TANC2: variants seen among roughly 807,000 people sequenced by gnomAD.
The protein encoded by TANC2 is tetratricopeptide repeat, ankyrin repeat and coiled-coil containing 2, also known as protein TANC2.
TANC2 carries 26 observed loss-of-function variants against 210.5 expected under a neutral mutation model. The ratio of observed to expected loss-of-function variants is 0.12; its 90% CI spans 0.09 to 0.17. The LOEUF is 0.17. Among genes scored for constraint, TANC2 ranks in the 10% least tolerant of loss-of-function variants. The pLI is 1.00. For missense variants in TANC2, 2,129 were observed against 2,608.9 expected (o/e 0.82, Z 4.01); for synonymous variants, 931 against 967.1 (o/e 0.96, Z 0.69).
chr17:63,125,772 A>G lies in TANC2; in HGVS notation c.323-25498A>G, dbSNP rs1490625139. 2.0e-5 allele frequency among the ~76,000 whole-genome samples: 3 copies of G among 152,390 alleles called. No homozygotes were observed. The East Asian group carries it at 5.8e-4, about 29-fold the overall frequency. ...AAATATATTGTCACATTGTTATGAT[A>G]TAATGAGAAGCTTTGATATAATTGT... On this transcript the variant is annotated intron_variant, in intron 4 of 27. Transcript: ENST00000689528.
intron 25 of TANC2, chr17:63,414,446 T>C (rs1477085715): frequency 6.6e-6 from 1 of 152,204 alleles, no homozygotes; most frequent in Non-Finnish European, 1.5e-5. Flanking sequence ...TCCCAGGCTT[T>C]CAGGAAGCTT....
At chr17:63,155,621 G>A (rs938105259) in intron 5 of TANC2, among the ~76,000 whole-genome samples, 1 of 152,152 alleles carries the variant, frequency 6.6e-6, no homozygotes, top group African/African-American at 2.4e-5. Flanking sequence ...TCTTGAAATA[G>A]GCAGGCTTTT....
intron 9 of TANC2, among the ~76,000 whole-genome samples, chr17:63,296,794 G>A (rs2044549140): frequency 6.6e-6 from 1 of 152,086 alleles, no homozygotes; most frequent in Non-Finnish European, 1.5e-5. Flanking sequence ...ATTGACCAGA[G>A]AAGTTCAACA....
At chr17:63,113,448 C>T (rs186418489) in intron 4 of TANC2, among the ~76,000 whole-genome samples, 3 of 152,182 alleles carry the variant, frequency 2.0e-5, no homozygotes, top group East Asian at 1.9e-4. Context: ...TTACCTTGTC[C>T]GTCAGTCATT....
chr17:63,208,620 T>A (rs1299579167), intron 7 of TANC2, among the ~76,000 whole-genome samples: 1 of 152,218 alleles, frequency 6.6e-6, no homozygotes, highest in East Asian at 1.9e-4. Context: ...TTTACAACTG[T>A]TTCCAATATT....
intron 4 of TANC2, among the ~76,000 whole-genome samples, chr17:63,113,345 T>C (rs1027021947): frequency 6.6e-6 from 1 of 152,100 alleles, no homozygotes; most frequent in African/African-American, 2.4e-5. Flanking sequence ...AGTAACTCCC[T>C]CTCTTAGAGG....
chr17:62,969,761 A>C (rs1234965811), intron 1 of TANC2, among the ~76,000 whole-genome samples: 1 of 152,144 alleles, frequency 6.6e-6, no homozygotes, highest in Non-Finnish European at 1.5e-5. Context: ...TAAGAGCACC[A>C]GTAAACCTTT....
intron 14 of TANC2, among the ~76,000 whole-genome samples, chr17:63,376,562 A>ATCATCAAATGGATT (rs1473633552): frequency 3.3e-5 from 5 of 152,184 alleles, no homozygotes; most frequent in Non-Finnish European, 7.3e-5. Context: ...ATACATAGGA[A>ATCATCAAATGGATT]TCATCAAATG....
At chr17:63,134,244 A>G (rs1285773302) in intron 4 of TANC2, among the ~76,000 whole-genome samples, 2 of 152,088 alleles carry the variant, frequency 1.3e-5, no homozygotes, top group African/African-American at 4.8e-5. Context: ...AACTTCTTAT[A>G]ATTTTGTTGG....
intron 14 of TANC2, among the ~76,000 whole-genome samples, chr17:63,376,723 A>C (rs2047434942): frequency 6.6e-6 from 1 of 152,162 alleles, no homozygotes; most frequent in Admixed American, 6.5e-5. Flanking sequence ...GTCTCAGACA[A>C]GTGTAGCTTG....
chr17:63,260,037 T>C (rs1455504793), intron 8 of TANC2, among the ~76,000 whole-genome samples: 1 of 152,202 alleles, frequency 6.6e-6, no homozygotes, highest in East Asian at 1.9e-4. Flanking sequence ...TACTACTCTT[T>C]GAAGCCATAA....
At chr17:63,106,527 A>T (rs532449337) in intron 4 of TANC2, among the ~76,000 whole-genome samples, 26 of 151,634 alleles carry the variant, frequency 1.7e-4, no homozygotes, top group African/African-American at 6.3e-4. Flanking sequence ...GGGTAGGGGG[A>T]TTCTCACTAA....
intron 9 of TANC2, among the ~76,000 whole-genome samples, chr17:63,288,032 C>G (rs2044278237): frequency 6.6e-6 from 1 of 152,092 alleles, no homozygotes; most frequent in Non-Finnish European, 1.5e-5. Flanking sequence ...TATTTCTGGC[C>G]CTATGTAAGA....
intron 1 of TANC2, among the ~76,000 whole-genome samples, chr17:62,974,463 G>A (rs2031887728): frequency 6.6e-6 from 1 of 152,170 alleles, no homozygotes; most frequent in South Asian, 2.1e-4. Flanking sequence ...CAGACACCTT[G>A]TGTGTAAAGT....
chr17:63,140,330 C>G (rs1350288341), intron 4 of TANC2, among the ~76,000 whole-genome samples: 2 of 152,172 alleles, frequency 1.3e-5, no homozygotes, highest in African/African-American at 4.8e-5. Flanking sequence ...CCATAACAAA[C>G]CATCTTTAAA....
At chr17:63,047,086 A>G (rs778158906) in intron 2 of TANC2, among the ~76,000 whole-genome samples, 1 of 152,208 alleles carries the variant, frequency 6.6e-6, no homozygotes, top group Non-Finnish European at 1.5e-5. Context: ...AAATTTTTAT[A>G]TCTTCATATA....
chr17:63,038,322 A>G (rs1275394896), intron 2 of TANC2, among the ~76,000 whole-genome samples: 1 of 152,200 alleles, frequency 6.6e-6, no homozygotes, highest in Non-Finnish European at 1.5e-5. Flanking sequence ...GATTGCATTG[A>G]ATGATTTTCA....
intron 9 of TANC2, among the ~76,000 whole-genome samples, chr17:63,281,322 TGGAAA>T (rs1337456693): frequency 2.6e-5 from 4 of 152,076 alleles, no homozygotes; most frequent in East Asian, 3.9e-4. Context: ...GGCAGAATAC[TGGAAA>T]GTTAGCAAGG....
rs371459114 is a variant in TANC2, at chr17:63,073,925, C to T, written c.68-18C>T. 48 of 1,564,898 alleles carry T rather than the reference C, an allele frequency of 3.1e-5. No individual in the cohort carries two copies. In the South Asian group the frequency reaches 3.2e-4, roughly 10 times the overall value. ...ATCTCATTATCTATTTGCTTATGCT[C>T]CTTTTAATTTTATGCAGATGGAGGG... On this transcript the variant is annotated intron_variant, in intron 2 of 27. Transcript: ENST00000689528.
Sources: allele counts gnomAD v4.1 joint callset (sites outside exome capture counted in the v4.1 genomes callset), GRCh38; gene constraint gnomAD v4.1.1; transcripts MANE v1.5; gene names NCBI Gene and HGNC (gene_info 2026-07-23, HGNC 2026-07-21).